Variants in FBXW11 observed in about 807,000 individuals in gnomAD.
The protein encoded by FBXW11 is F-box and WD repeat domain containing 11, also known as F-box/WD repeat-containing protein 11.
A neutral mutation model predicts 77.6 loss-of-function variants in FBXW11; 19 were observed. The ratio of observed to expected loss-of-function variants is 0.24; its 90% CI spans 0.17 to 0.36. The LOEUF (loss-of-function observed/expected upper bound fraction) is 0.36, where lower values mean the gene tolerates loss of function less well. Ranked by LOEUF, FBXW11 falls within the 10% of genes least tolerant of loss-of-function variation. The pLI, the probability that FBXW11 is intolerant of heterozygous loss-of-function variation, is 1.00. For synonymous variants in FBXW11, 235 were observed against 249.4 expected (o/e 0.94, Z 0.54); for missense variants, 334 against 704.2 (o/e 0.47, Z 5.95).
At chr5:171,909,741 G>A (rs1178419347) in intron 4 of FBXW11, among the ~76,000 whole-genome samples, 1 of 152,172 alleles carries the variant, frequency 6.6e-6, no homozygotes, top group Non-Finnish European at 1.5e-5. Flanking sequence ...ACCTATGTGT[G>A]TATGAGACAT....
intron 13 of FBXW11, among the ~76,000 whole-genome samples, chr5:171,865,649 T>A (rs183091163): frequency 6.6e-6 from 1 of 152,206 alleles, no homozygotes; most frequent in East Asian, 1.9e-4. Context: ...CGAGCAGGAG[T>A]TTACTTTCTT....
intron 2 of FBXW11, among the ~76,000 whole-genome samples, chr5:171,941,869 G>A (rs1762770011): frequency 6.6e-6 from 1 of 150,928 alleles, no homozygotes; most frequent in African/African-American, 2.4e-5. Context: ...GTCAGTCAGT[G>A]CTAGTTTGAG....
chr5:171,871,402 G>A (rs1208142263), intron 10 of FBXW11, among the ~76,000 whole-genome samples: 2 of 152,152 alleles, frequency 1.3e-5, no homozygotes, highest in Non-Finnish European at 1.5e-5. Context: ...TAGAACTGGC[G>A]GACCAGCAGG....
chr5:171,995,213 T>G (rs543338704), intron 1 of FBXW11, among the ~76,000 whole-genome samples: 1 of 152,096 alleles, frequency 6.6e-6, no homozygotes, highest in East Asian at 1.9e-4. Context: ...CCAAAAGAAG[T>G]CTACATAATG....
At chr5:171,873,135 C>G in intron 9 of FBXW11, 145 bp from the exon 10 acceptor site, 1 of 672,846 alleles carries the variant, frequency 1.5e-6, no homozygotes, top group South Asian at 1.9e-5. Context: ...AGTTGGGAGG[C>G]TGGGGGGCAG....
intron 9 of FBXW11, among the ~76,000 whole-genome samples, chr5:171,874,476 TGACTGTGGGAGTAAGTTGCC>T (rs1757945840): frequency 6.6e-6 from 1 of 152,280 alleles, no homozygotes; most frequent in South Asian, 2.1e-4. Flanking sequence ...CCAATTGGTG[TGACTGTGGGAGTAAGTTGCC>T]GCATATAAAT....
chr5:171,983,218 C>T (rs898265979), intron 1 of FBXW11, among the ~76,000 whole-genome samples: 2 of 152,028 alleles, frequency 1.3e-5, no homozygotes, highest in Admixed American at 6.6e-5. Flanking sequence ...ACCAAGAGGA[C>T]AGGGTTCTAG....
At position 171,870,618 on chromosome 5, in the gene FBXW11, A is replaced by C. The variant is rs1367450855; in HGVS notation, c.1451+130T>G. The C allele has an allele frequency of 3.6e-5, 23 of 635,508 alleles. No homozygotes were observed. The East Asian group carries it at 6.0e-4, about 17-fold the overall frequency. The allele number at this position is 635,508 out of a possible 1,614,324, so 39.4% of individuals were successfully genotyped here. A position where few individuals can be genotyped will look rare whatever the true frequency, so the allele number is the denominator to read the frequency against. On this transcript the variant is annotated intron_variant, in intron 11 of 13. Coordinates refer to ENST00000517395, the MANE Select transcript of FBXW11 (RefSeq NM_001378974.1). ...CCTCACCTAAACAACAGGTATAATA[A>C]TACCTGCCATCCACCATTACACAGA...
At chr5:171,916,820 G>A (rs1478072523) in intron 2 of FBXW11, among the ~76,000 whole-genome samples, 6 of 152,136 alleles carry the variant, frequency 3.9e-5, no homozygotes, top group Non-Finnish European at 8.8e-5. Context: ...AAGAGAGATG[G>A]GAAGTCAGTC....
chr5:171,988,415 A>G (rs1320628118), intron 1 of FBXW11, among the ~76,000 whole-genome samples: 1 of 152,234 alleles, frequency 6.6e-6, no homozygotes, highest in Non-Finnish European at 1.5e-5. Flanking sequence ...AGTTATCAGT[A>G]GCCAAACCTG....
intron 2 of FBXW11, among the ~76,000 whole-genome samples, chr5:171,926,636 T>C (rs565708363): frequency 2.7e-4 from 41 of 152,300 alleles, no homozygotes; most frequent in African/African-American, 9.6e-4. Context: ...TCTGCCATAA[T>C]TGAAGCCAAG....
chr5:171,900,490 CT>C (rs536206870), intron 4 of FBXW11, among the ~76,000 whole-genome samples: 5 of 152,170 alleles, frequency 3.3e-5, no homozygotes, highest in Admixed American at 6.5e-5. Flanking sequence ...ACTCCCTTGG[CT>C]TTACTACTGG....
chr5:171,988,915 G>A (rs1336743575), intron 1 of FBXW11, among the ~76,000 whole-genome samples: 3 of 151,984 alleles, frequency 2.0e-5, no homozygotes, highest in East Asian at 3.9e-4. Context: ...GGTGGCTCAC[G>A]CCTGTAATCC....
intron 11 of FBXW11, 83 bp downstream of exon 11, chr5:171,870,665 C>T: frequency 3.1e-6 from 3 of 982,266 alleles, no homozygotes; most frequent in East Asian, 4.8e-5. Flanking sequence ...GGACCTGGTA[C>T]ATACAGAGTT....
intron 2 of FBXW11, among the ~76,000 whole-genome samples, chr5:171,917,701 C>CAA (rs1761341277): frequency 6.6e-6 from 1 of 151,268 alleles, no homozygotes; most frequent in Admixed American, 6.6e-5. Flanking sequence ...AAAAAGCATC[C>CAA]AAGAGTCTAA....
intron 6 of FBXW11, among the ~76,000 whole-genome samples, chr5:171,893,043 A>G (rs1163709775): frequency 1.3e-5 from 2 of 152,094 alleles, no homozygotes; most frequent in Non-Finnish European, 2.9e-5. Flanking sequence ...TATACCACTC[A>G]CTTTATATGT....
chr5:171,924,882 C>T (rs1761806861), intron 2 of FBXW11, among the ~76,000 whole-genome samples: 3 of 152,050 alleles, frequency 2.0e-5, no homozygotes, highest in South Asian at 2.1e-4. Flanking sequence ...GTAACACCCT[C>T]TTTGGGGTCA....
At chr5:171,868,882 T>C (rs1757591793) in intron 12 of FBXW11, 86 bp from the exon 13 acceptor site, 4 of 1,283,330 alleles carry the variant, frequency 3.1e-6, no homozygotes, top group Non-Finnish European at 3.2e-6. Flanking sequence ...AAGATGAAAA[T>C]GCAGCCACTT....
intron 1 of FBXW11, among the ~76,000 whole-genome samples, chr5:171,978,284 C>T (rs1040013717): frequency 1.6e-4 from 24 of 152,124 alleles, no homozygotes; most frequent in African/African-American, 5.8e-4. Context: ...CTGACTGATG[C>T]AACCAAAATC....
Sources: gnomAD v4.1 joint callset for allele counts (sites outside exome capture counted in the v4.1 genomes callset) on GRCh38, gnomAD v4.1.1 for gene constraint, MANE v1.5 for transcripts, NCBI Gene and HGNC (gene_info 2026-07-23, HGNC 2026-07-21) for gene names.